DNAH5: variants seen among roughly 807,000 people sequenced by gnomAD.
DNAH5 encodes dynein axonemal heavy chain 5.
A neutral mutation model predicts 518.2 loss-of-function variants in DNAH5; 372 were observed. The ratio of observed to expected loss-of-function variants is 0.72; its 90% confidence interval spans 0.66 to 0.78. The LOEUF is 0.78. Ranked by LOEUF, DNAH5 falls within the 30% of genes least tolerant of loss-of-function variation. DNAH5 has a pLI of 0.00. For synonymous variants in DNAH5, 2,039 were observed against 2,025.9 expected, an observed-to-expected ratio of 1.01 and a Z score of -0.17; for missense variants, 5,523 against 5,687.0, an observed-to-expected ratio of 0.97 and a Z score of 0.93.
At chr5:13,794,642 C>T (rs547602126) in intron 47 of DNAH5, among the ~76,000 whole-genome samples, 21 of 152,130 alleles carry the variant, frequency 1.4e-4, no homozygotes, top group Non-Finnish European at 2.6e-4. Flanking sequence ...TTAGGCAGTG[C>T]AAGAGAAGAC....
intron 65 of DNAH5, among the ~76,000 whole-genome samples, chr5:13,740,319 A>C (rs1023416202): frequency 6.9e-6 from 1 of 145,362 alleles, no homozygotes; most frequent in Non-Finnish European, 1.5e-5. Context: ...CCCAGCAGTC[A>C]GAATGATGCT....
intron 1 of DNAH5, among the ~76,000 whole-genome samples, chr5:13,959,998 AG>A (rs1452015957): frequency 1.3e-5 from 2 of 152,058 alleles, no homozygotes; most frequent in African/African-American, 4.8e-5. Flanking sequence ...GACTGAGTCC[AG>A]GAAAAACACC....
intron 75 of DNAH5, among the ~76,000 whole-genome samples, chr5:13,712,985 T>G (rs1948778): frequency 0.39 from 59,046 of 151,340 alleles, 11,643 homozygotes; most frequent in Middle Eastern, 0.44. Context: ...CAGAAGAAAA[T>G]AAGTCATTCT....
chr5:13,717,223 T>C (rs1744417574), intron 73 of DNAH5, 92 bp downstream of exon 73: 2 of 1,195,364 alleles, frequency 1.7e-6, no homozygotes, highest in Admixed American at 2.0e-5. Flanking sequence ...CAAATTCTCT[T>C]ATATAATTTA....
intron 11 of DNAH5, among the ~76,000 whole-genome samples, chr5:13,912,409 G>A (rs147536391): frequency 9.8e-4 from 148 of 151,738 alleles, no homozygotes; most frequent in African/African-American, 3.4e-3. Context: ...TAGAAATTGT[G>A]TGTGTATGTA....
chr5:13,870,988 C>G lies in DNAH5; in HGVS notation c.3613G>C (p.Ala1205Pro). The change falls in exon 24 of 79, where the codon GCC becomes CCC. Residue 1205 changes from alanine (A) to proline (P), a missense_variant. Physicochemically the swap from Ala to Pro is conservative, Grantham distance 27. Coordinates refer to ENST00000265104, the MANE Select transcript of DNAH5 (RefSeq NM_001369.3). Reference protein sequence around the residue: ...IALYTADLKFALTAETKAWMV... With the variant: ...IALYTADLKFPLTAETKAWMV... ...CAGGCCTTTGTCTCAGCAGTCAGGGCGAACTTCAAGTCAGCTGTAAAAACC... is the reference window on the plus strand; with the variant it reads ...CAGGCCTTTGTCTCAGCAGTCAGGGGGAACTTCAAGTCAGCTGTAAAAACC... 6.2e-7 allele frequency: 1 copy of G among 1,613,318 alleles called. No individual in the cohort carries two copies.
Position 13,944,659 on chromosome 5 carries a change from C to G in DNAH5, c.-221G>C. The G allele has an allele frequency of 3.5e-6, 2 of 568,160 alleles. No homozygotes were observed. The highest frequency in any genetic ancestry group is 3.2e-6 in the Non-Finnish European group (1 of 316,160). The allele number at this position is 568,160 out of a possible 1,614,324, so 35.2% of individuals were successfully genotyped here. ...TTCTCCTAGAGTGTCTGCCCTGGGC[C>G]TCTCCTCTCTCTCGAAGCCTGGTGT... is the stretch of plus-strand genomic sequence containing the variant. On this transcript the variant is annotated 5_prime_UTR_variant, in exon 1 of 79. Transcript: ENST00000265104.
At position 13,884,973 on chromosome 5, in the gene DNAH5, C is replaced by T; in HGVS notation, c.2983+16G>A. The T allele has an allele frequency of 6.8e-6, 11 of 1,614,028 alleles. No individual in the cohort carries two copies. The highest frequency in any genetic ancestry group is 9.3e-6 in the Non-Finnish European group (11 of 1,180,034). ...ATGCCTGATCATCCACTAAGCAAAC[C>T]ACACAAGATTATTACCCCGGAAGTT... On this transcript the variant is annotated intron_variant, in intron 19 of 78. Coordinates refer to ENST00000265104, the MANE Select transcript of DNAH5 (RefSeq NM_001369.3).
intron 55 of DNAH5, among the ~76,000 whole-genome samples, chr5:13,771,676 G>A (rs191944891): frequency 3.3e-5 from 5 of 152,140 alleles, no homozygotes; most frequent in South Asian, 2.1e-4. Flanking sequence ...CCACCACTGC[G>A]ACGGGTGCCA....
intron 65 of DNAH5, among the ~76,000 whole-genome samples, chr5:13,743,907 CA>C (rs1004372687): frequency 1.3e-5 from 2 of 151,912 alleles, no homozygotes; most frequent in African/African-American, 2.4e-5. Context: ...GGAAGTTCCT[CA>C]AAAAAGTACA....
intron 30 of DNAH5, 85 bp downstream of exon 30, chr5:13,859,367 A>G (rs757288357): frequency 2.3e-5 from 33 of 1,413,954 alleles, no homozygotes; most frequent in Non-Finnish European, 3.0e-5. Context: ...ATAGAAGTGG[A>G]ATATTATTGC....
At chr5:13,731,122 A>AT (rs1746484517) in intron 68 of DNAH5, among the ~76,000 whole-genome samples, 1 of 152,218 alleles carries the variant, frequency 6.6e-6, no homozygotes, top group African/African-American at 2.4e-5. Flanking sequence ...GCTAATCTCT[A>AT]TTTTATCCAG....
rs863224504 is a variant in DNAH5, at chr5:13,770,852, G to A, written c.9502C>T (p.Arg3168Ter). 18 of 1,613,834 alleles carry A rather than the reference G, an allele frequency of 1.1e-5. No homozygotes were observed. The highest frequency in any genetic ancestry group is 4.4e-5 in the South Asian group (4 of 91,074). Residue 3168 changes from arginine (R) to a stop codon, truncating the protein, a stop_gained, in exon 56 of 79, where the codon CGA (arginine) becomes TGA (stop). Transcript: ENST00000265104. LOFTEE classifies it high-confidence loss of function. ...TTGGGCGTCACGTGGGTAGAACGTC[G>A]GAATCTCTGAAAATAATCAACACAC... ...EKCVDYFQRF[R>*]RSTHVTPKSY...
At position 13,830,779 on chromosome 5, in the gene DNAH5, C is replaced by T; in HGVS notation, c.5883-4G>A. The T allele has an allele frequency of 6.2e-7, 1 of 1,614,060 alleles. No homozygotes were observed. The highest frequency in any genetic ancestry group is 8.5e-7 in the Non-Finnish European group (1 of 1,179,992). On this transcript the variant is annotated splice_region_variant and splice_polypyrimidine_tract_variant and intron_variant, in intron 35 of 78. Coordinates refer to ENST00000265104, the MANE Select transcript of DNAH5 (RefSeq NM_001369.3). ...TTGAGCCAGCGTGATGTAACATCTG[C>T]ATGGGTAGAAACATCACTAGAACCA...
rs141865545 is a variant in DNAH5, at chr5:13,767,405, G to A, written c.9898-1226C>T. Among the ~76,000 whole-genome samples the A allele has an allele frequency of 3.0e-3, 459 of 152,310 alleles. 3 individuals are homozygous for A. Among genetic ancestry groups the A allele is most frequent in the African/African-American group, 0.01 (435 of 41,558 alleles). ...CTCCCAAAGTACTGGAATTACAGGC[G>A]TGAGCCAGCATGCCCAGCCTGTTTT... On this transcript the variant is annotated intron_variant, in intron 58 of 78. Transcript: ENST00000265104.
chr5:13,938,915 A>G (rs1779209501), intron 1 of DNAH5, among the ~76,000 whole-genome samples: 1 of 152,224 alleles, frequency 6.6e-6, no homozygotes, highest in Admixed American at 6.5e-5. Context: ...ACGAGCAGAA[A>G]AAGAAAATTA....
At chr5:13,918,190 C>T (rs1475662505) in intron 7 of DNAH5, among the ~76,000 whole-genome samples, 4 of 152,202 alleles carry the variant, frequency 2.6e-5, no homozygotes, top group African/African-American at 9.7e-5. Context: ...CCTTCACTTG[C>T]TCCCTTTAAG....
rs376757797 is a variant in DNAH5, at chr5:13,962,395, G to A, written c.13-31151C>T. Among the ~76,000 whole-genome samples the A allele has an allele frequency of 5.9e-5, 9 of 152,254 alleles. No homozygotes were observed. The East Asian group carries it at 7.7e-4, about 13-fold the overall frequency. On this transcript the variant is annotated intron_variant, in intron 1 of 78. Coordinates refer to the DNAH5 transcript ENST00000681290. ...AAGTTTCTCATAAAACATTCAATAT[G>A]CTGCAATTTTAGCATTATAGTACAC... is the stretch of plus-strand genomic sequence containing the variant.
Position 13,793,938 on chromosome 5 carries a change from G to C in DNAH5, c.8008C>G (p.Gln2670Glu), listed in dbSNP as rs1379741385. The part of the protein sequence containing the change: ...NMPIINEWGD[Q>E]VTNEIVRQLM... ...AATGCACAATAGAATGATGATACCT[G>C]ATCTCCCCACTCATTGATTATTGGC... The change falls in exon 48 of 79, where the codon CAG becomes GAG. Residue 2670 changes from glutamine (Q) to glutamate (E), a missense_variant and splice_region_variant. Physicochemically the swap from Gln to Glu is conservative, Grantham distance 29. This residue lies in a region of DNAH5 where 5,121 missense variants were observed against 5,223.3 expected (regional missense o/e 0.98). Transcript: ENST00000265104. 1 of 1,613,734 alleles carries C rather than the reference G, an allele frequency of 6.2e-7. No homozygotes were observed. Among genetic ancestry groups the C allele is most frequent in the Non-Finnish European group, 8.5e-7 (1 of 1,179,884 alleles).
Sources: gnomAD v4.1 joint callset for allele counts (sites outside exome capture counted in the v4.1 genomes callset) on GRCh38, gnomAD v4.1.1 for gene constraint, gnomAD v4.1.1 regional missense constraint, MANE v1.5 for transcripts, NCBI Gene and HGNC (gene_info 2026-07-23, HGNC 2026-07-21) for gene names.